PLCB1: variants seen among roughly 807,000 people sequenced by gnomAD.
The protein encoded by PLCB1 is 1-phosphatidylinositol 4,5-bisphosphate phosphodiesterase beta-1.
A neutral mutation model predicts 161.8 loss-of-function variants in PLCB1; 46 were observed. That is an observed-to-expected ratio of 0.28 (90% CI 0.22 to 0.36). The LOEUF is 0.36. PLCB1 is among the 10% of genes least tolerant of loss of function. The pLI is 1.00. For synonymous variants in PLCB1, 517 were observed against 503.7 expected (o/e 1.03, Z -0.35); for missense variants, 1,016 against 1,472.5 (o/e 0.69, Z 5.07).
intron 2 of PLCB1, among the ~76,000 whole-genome samples, chr20:8,220,476 A>G (rs769595928): frequency 2.0e-5 from 3 of 152,182 alleles, no homozygotes; most frequent in Non-Finnish European, 4.4e-5. Context: ...GTTATATTGG[A>G]TCAGAGTGGA....
intron 3 of PLCB1, among the ~76,000 whole-genome samples, chr20:8,439,552 G>A (rs913011578): frequency 6.6e-6 from 1 of 152,148 alleles, no homozygotes; most frequent in African/African-American, 2.4e-5. Context: ...TTTAGACCAT[G>A]TTCTAAACAA....
chr20:8,540,114 G>C (rs1182007573), intron 3 of PLCB1, among the ~76,000 whole-genome samples: 11 of 152,106 alleles, frequency 7.2e-5, no homozygotes, highest in Admixed American at 7.2e-4. Context: ...AATTTTTCAA[G>C]ATGTTAAATG....
At chr20:8,286,552 G>A (rs1016048599) in intron 2 of PLCB1, among the ~76,000 whole-genome samples, 4 of 152,134 alleles carry the variant, frequency 2.6e-5, no homozygotes, top group Admixed American at 1.3e-4. Context: ...GGCCAGTAGA[G>A]CAGATCTGGG....
chr20:8,833,276 G>C (rs918872522), intron 31 of PLCB1, among the ~76,000 whole-genome samples: 2 of 152,196 alleles, frequency 1.3e-5, no homozygotes, highest in South Asian at 2.1e-4. Context: ...AAGAGCAAAG[G>C]CATGTCTTAC....
At chr20:8,706,333 CCCAAAGGAAGG>C (rs1186416873) in intron 11 of PLCB1, among the ~76,000 whole-genome samples, 1 of 152,180 alleles carries the variant, frequency 6.6e-6, no homozygotes, top group African/African-American at 2.4e-5. Flanking sequence ...ACAGAATTCT[CCCAAAGGAAGG>C]GGGAAGCAAA....
intron 31 of PLCB1, among the ~76,000 whole-genome samples, chr20:8,825,236 C>A (rs1985635116): frequency 6.6e-6 from 1 of 152,204 alleles, no homozygotes; most frequent in Admixed American, 6.5e-5. Context: ...ATCTCCTGAA[C>A]TAATTGTCTA....
chr20:8,541,596 G>GAAAGAAAGAAAGAAAGAAAGAAAT (rs1456415608), intron 3 of PLCB1, among the ~76,000 whole-genome samples: 8 of 150,546 alleles, frequency 5.3e-5, no homozygotes, highest in African/African-American at 2.0e-4. Flanking sequence ...AAGAAAGAAA[G>GAAAGAAAGAAAGAAAGAAAGAAAT]AAAGAAAGAA....
At chr20:8,149,077 A>G (rs933427990) in intron 1 of PLCB1, among the ~76,000 whole-genome samples, 6 of 152,208 alleles carry the variant, frequency 3.9e-5, no homozygotes, top group African/African-American at 1.4e-4. Flanking sequence ...TATGTTCTGT[A>G]TATTTTACTG....
At chr20:8,830,873 C>T (rs12329510) in intron 31 of PLCB1, among the ~76,000 whole-genome samples, 5,085 of 152,170 alleles carry the variant, frequency 0.033, 303 homozygotes, top group African/African-American at 0.12. Flanking sequence ...GCACACTGAT[C>T]TTCACAGGTG....
chr20:8,299,659 C>T (rs73895766), intron 2 of PLCB1, among the ~76,000 whole-genome samples: 3,260 of 152,284 alleles, frequency 0.021, 124 homozygotes, highest in African/African-American at 0.072. Flanking sequence ...ACCTCCAAAA[C>T]GGCTGTTCCT....
intron 2 of PLCB1, among the ~76,000 whole-genome samples, chr20:8,322,554 A>C (rs6086405): frequency 2.7e-5 from 4 of 150,378 alleles, no homozygotes; most frequent in Non-Finnish European, 4.4e-5. Context: ...AAAAAAAAAA[A>C]CTCATTAAAT....
At chr20:8,564,102 A>G (rs1415372826) in intron 3 of PLCB1, among the ~76,000 whole-genome samples, 1 of 152,206 alleles carries the variant, frequency 6.6e-6, no homozygotes, top group Non-Finnish European at 1.5e-5. Context: ...ACTATACTAC[A>G]AGGCTACAGT....
chr20:8,525,685 C>T, intron 3 of PLCB1, among the ~76,000 whole-genome samples: 1 of 151,724 alleles, frequency 6.6e-6, no homozygotes. Flanking sequence ...TAAAGTAGAA[C>T]TTTAAAGAAA....
intron 3 of PLCB1, among the ~76,000 whole-genome samples, chr20:8,543,051 C>T (rs1380535046): frequency 1.3e-5 from 2 of 152,108 alleles, no homozygotes; most frequent in Admixed American, 1.3e-4. Context: ...GCTCTAGCAC[C>T]TTGGTAATCA....
intron 3 of PLCB1, among the ~76,000 whole-genome samples, chr20:8,610,512 C>T (rs935735359): frequency 6.6e-6 from 1 of 152,110 alleles, no homozygotes; most frequent in African/African-American, 2.4e-5. Context: ...AATGTAATTG[C>T]TGGGTCATAT....
chr20:8,244,898 C>T (rs1033215089), intron 2 of PLCB1, among the ~76,000 whole-genome samples: 4 of 151,188 alleles, frequency 2.6e-5, no homozygotes, highest in African/African-American at 7.3e-5. Flanking sequence ...GGGATTTTAA[C>T]TTGTCTGTGT....
chr20:8,422,412 G>A (rs1979577379), intron 3 of PLCB1, among the ~76,000 whole-genome samples: 1 of 152,174 alleles, frequency 6.6e-6, no homozygotes, highest in South Asian at 2.1e-4. Flanking sequence ...TCTATCAGAA[G>A]CAACTAAAAC....
At chr20:8,477,359 A>C (rs906758550) in intron 3 of PLCB1, among the ~76,000 whole-genome samples, 1 of 152,136 alleles carries the variant, frequency 6.6e-6, no homozygotes, top group Non-Finnish European at 1.5e-5. Flanking sequence ...AGGTATTAGG[A>C]CCAAAGGAAG....
chr20:8,633,350 T>C (rs1488101492), intron 4 of PLCB1, among the ~76,000 whole-genome samples: 3 of 152,196 alleles, frequency 2.0e-5, no homozygotes, highest in Non-Finnish European at 4.4e-5. Context: ...TTTGGTTACG[T>C]TCAGTTTGAG....
Sources: allele counts gnomAD v4.1 joint callset (sites outside exome capture counted in the v4.1 genomes callset), GRCh38; gene constraint gnomAD v4.1.1; transcripts MANE v1.5; gene names NCBI Gene and HGNC (gene_info 2026-07-23, HGNC 2026-07-21).